The following GPR107 variants were observed in gnomAD, a reference collection of about 807,000 sequenced individuals.
GPR107 encodes the protein protein GPR107.
GPR107 carries 31 observed loss-of-function variants against 75.5 expected under a neutral mutation model. That is an observed-to-expected ratio of 0.41 (90% CI 0.31 to 0.55). GPR107 has a LOEUF of 0.55. Ranked by LOEUF, GPR107 falls within the 20% of genes least tolerant of loss-of-function variation. The pLI, the probability that GPR107 is intolerant of heterozygous loss-of-function variation, is 0.26. For synonymous variants in GPR107, 267 were observed against 251.3 expected (o/e 1.06, Z -0.59); for missense variants, 572 against 665.7 (o/e 0.86, Z 1.55).
intron 14 of GPR107, among the ~76,000 whole-genome samples, chr9:130,117,193 C>T (rs1203166651): frequency 6.6e-6 from 1 of 152,138 alleles, no homozygotes; most frequent in African/African-American, 2.4e-5. Context: ...GTGATCGGCG[C>T]TCCTCAGCCA....
rs1231606032 is a variant in GPR107 at position 130,057,832 on chromosome 9, TA to T, written c.141+3760del. Among the ~76,000 whole-genome samples the T allele has an allele frequency of 8.6e-4, 85 of 99,064 alleles. 1 individual carries two copies. Among genetic ancestry groups the T allele is most frequent in the African/African-American group, 2.8e-3 (80 of 28,552 alleles). 65.0% of individuals were successfully genotyped at this position (99,064 alleles called of 152,430 possible). Reference sequence around the variant, plus strand: ...CCTTGCCTTTTTATTTATTTATTATTATTATTTTTTTTTTTTGAGACAGAGT... The same window carrying T: ...CCTTGCCTTTTTATTTATTTATTATTTTATTTTTTTTTTTTGAGACAGAGT... On this transcript the variant is annotated intron_variant, in intron 1 of 17. Coordinates refer to ENST00000347136, the MANE Select transcript of GPR107 (RefSeq NM_020960.5).
chr9:130,086,538 T>A (rs1830620450), intron 7 of GPR107, 62 bp downstream of exon 7: 1 of 956,732 alleles, frequency 1.0e-6, no homozygotes, highest in Non-Finnish European at 1.7e-6. Flanking sequence ...AAGGGTAATT[T>A]TTTTTTAGAG....
intron 9 of GPR107, among the ~76,000 whole-genome samples, chr9:130,093,996 G>T (rs1159886102): frequency 6.6e-6 from 1 of 151,980 alleles, no homozygotes; most frequent in African/African-American, 2.4e-5. Context: ...TATATTTTTA[G>T]TAGAGACGGG....
chr9:130,108,909 G>C, intron 14 of GPR107: 1 of 377,108 alleles, frequency 2.7e-6, no homozygotes, highest in Non-Finnish European at 5.1e-6. Context: ...GCCTTTCTTG[G>C]AGCCCAGTAA....
chr9:130,058,508 A>C (rs1279798751), intron 1 of GPR107, among the ~76,000 whole-genome samples: 1 of 150,184 alleles, frequency 6.7e-6, no homozygotes, highest in Non-Finnish European at 1.5e-5. Flanking sequence ...ACTGTTGCCT[A>C]GGCTGGAGCG....
rs752307460 is a variant in GPR107 at position 130,077,280 on chromosome 9, T to C, written c.307-19T>C. 2.3e-6 allele frequency: 3 copies of C among 1,285,646 alleles called. No homozygotes were observed. The highest frequency in any genetic ancestry group is 3.4e-6 in the Non-Finnish European group (3 of 879,964). The allele number at this position is 1,285,646 out of a possible 1,614,324, so 79.6% of individuals were successfully genotyped here. On this transcript the variant is annotated intron_variant, in intron 3 of 17. Transcript: ENST00000347136. ...TGTGAATGAATAAGATGATGTACAA[T>C]TGGCTCTTCCTTTCTCAGGATGAAG...
chr9:130,082,772 C>T (rs980858756), intron 5 of GPR107, among the ~76,000 whole-genome samples: 2 of 152,064 alleles, frequency 1.3e-5, no homozygotes, highest in African/African-American at 4.8e-5. Flanking sequence ...AGCCACCGCA[C>T]CCAGCCCAAG....
At chr9:130,126,615 G>A (rs1347301289) in intron 15 of GPR107, among the ~76,000 whole-genome samples, 2 of 152,136 alleles carry the variant, frequency 1.3e-5, no homozygotes, top group Non-Finnish European at 2.9e-5. Flanking sequence ...CTCCCAAAGT[G>A]CTGGGATTAT....
In GPR107 at chr9:130,089,347, G is replaced by A. The variant is rs180844356; in HGVS notation, c.622-1529G>A. On this transcript the variant is annotated intron_variant, in intron 7 of 17. Coordinates refer to ENST00000347136, the MANE Select transcript of GPR107 (RefSeq NM_020960.5). The stretch of plus-strand genomic sequence containing the variant: ...CCCATCCGCAGGGTTCTTGGGATGC[G>A]TGGAGCAGGCAGTGCATGGGTAGCT... Among the ~76,000 whole-genome samples, 203 of 152,292 alleles carry A rather than the reference G, an allele frequency of 1.3e-3. 1 individual carries two copies. The highest frequency in any genetic ancestry group is 4.5e-3 in the African/African-American group (188 of 41,554).
At chr9:130,098,890 C>A (rs866520186) in intron 9 of GPR107, among the ~76,000 whole-genome samples, 7 of 152,068 alleles carry the variant, frequency 4.6e-5, no homozygotes, top group Admixed American at 1.3e-4. Context: ...CGCCTGTAAT[C>A]CCGGCTACTC....
chr9:130,079,377 T>G (rs900499849), intron 4 of GPR107, among the ~76,000 whole-genome samples: 5 of 152,244 alleles, frequency 3.3e-5, no homozygotes, highest in Non-Finnish European at 7.3e-5. Context: ...CAGAATTGTG[T>G]GGTTACTAAG....
chr9:130,127,533 C>G lies in GPR107; in HGVS notation c.1407C>G (p.Leu469=), dbSNP rs777585640. Residue 469 remains leucine, a synonymous_variant, in exon 16 of 18, where the codon CTC becomes CTG. Transcript: ENST00000347136. ...FTRIIAFLLK[L]AVPFQWKWLY... Reference sequence around the variant, plus strand: ...GGATCATTGCATTTCTCCTCAAACTCGCTGTTCCATTCCAGTGGAAGTGGC... The same window carrying G: ...GGATCATTGCATTTCTCCTCAAACTGGCTGTTCCATTCCAGTGGAAGTGGC... 6.2e-7 allele frequency: 1 copy of G among 1,602,736 alleles called. No homozygotes were observed. The highest frequency in any genetic ancestry group is 8.5e-7 in the Non-Finnish European group (1 of 1,169,734).
rs1831638371 is a variant in GPR107 at position 130,125,025 on chromosome 9, A to T, written c.1356+61A>T. ...TAAAATCAATTCAAGGAGTAGAGCA[A>T]ATGAACTTCCAAAGGATTGGTGAAA... On this transcript the variant is annotated intron_variant, in intron 15 of 17. Coordinates refer to ENST00000347136, the MANE Select transcript of GPR107 (RefSeq NM_020960.5). The T allele has an allele frequency of 7.4e-6, 6 of 813,436 alleles. No homozygotes were observed. In the South Asian group the frequency reaches 1.0e-4, roughly 14 times the overall value. The allele number at this position is 813,436 out of a possible 1,614,324, so 50.4% of individuals were successfully genotyped here.
intron 14 of GPR107, among the ~76,000 whole-genome samples, chr9:130,115,734 G>C (rs1435466518): frequency 3.6e-5 from 5 of 140,166 alleles, no homozygotes; most frequent in African/African-American, 1.4e-4. Flanking sequence ...CTGCACTCCA[G>C]CCTGGGCGAC....
intron 1 of GPR107, among the ~76,000 whole-genome samples, chr9:130,067,753 T>C (rs376507245): frequency 0.023 from 90 of 3,948 alleles, no homozygotes; most frequent in African/African-American, 0.065. Context: ...CACCGCCCCC[T>C]TTTTTTTTTT....
chr9:130,061,951 A>AG (rs1194557551), intron 1 of GPR107, among the ~76,000 whole-genome samples: 9 of 151,632 alleles, frequency 5.9e-5, no homozygotes, highest in African/African-American at 2.2e-4. Context: ...TCTCAAAAAA[A>AG]AAAGCATTAG....
intron 17 of GPR107, 144 bp downstream of exon 17, chr9:130,128,905 G>C: frequency 1.4e-6 from 1 of 715,934 alleles, no homozygotes; most frequent in Non-Finnish European, 2.4e-6. Context: ...AGCGGACACT[G>C]GAGCCCCAGG....
At chr9:130,123,723 G>A (rs564858033) in intron 14 of GPR107, among the ~76,000 whole-genome samples, 1 of 151,626 alleles carries the variant, frequency 6.6e-6, no homozygotes, top group Non-Finnish European at 1.5e-5. Flanking sequence ...TCAAACTCCT[G>A]GGCTCAAGGG....
chr9:130,099,314 CAAAA>C (rs113082720), intron 9 of GPR107, 139 bp from the exon 10 acceptor site: 17 of 497,452 alleles, frequency 3.4e-5, no homozygotes, highest in Non-Finnish European at 5.0e-5. Flanking sequence ...GACCCTGTCT[CAAAA>C]AAAAAAAAAA....
Sources: allele counts gnomAD v4.1 joint callset (sites outside exome capture counted in the v4.1 genomes callset), GRCh38; gene constraint gnomAD v4.1.1; transcripts MANE v1.5; gene names NCBI Gene and HGNC (gene_info 2026-07-23, HGNC 2026-07-21).